The following CSMD3 variants were observed in gnomAD, a reference collection of about 807,000 sequenced individuals.
CSMD3 encodes the protein CUB and sushi domain-containing protein 3.
A neutral mutation model predicts 435.2 loss-of-function variants in CSMD3; 177 were observed. The ratio of observed to expected loss-of-function variants is 0.41; its 90% CI spans 0.36 to 0.46. The LOEUF (loss-of-function observed/expected upper bound fraction) is 0.46. CSMD3 is among the 20% of genes least tolerant of loss of function. The pLI, the probability that CSMD3 is intolerant of heterozygous loss-of-function variation, is 0.34. For missense variants in CSMD3, 4,265 were observed against 4,504.6 expected, an observed-to-expected ratio of 0.95 and a Z score of 1.52; for synonymous variants, 1,656 against 1,520.5, an observed-to-expected ratio of 1.09 and a Z score of -2.07.
intron 32 of CSMD3, among the ~76,000 whole-genome samples, chr8:112,418,474 A>T (rs905220727): frequency 7.2e-5 from 11 of 152,278 alleles, no homozygotes; most frequent in Admixed American, 5.9e-4. Context: ...CTGTGAAAGT[A>T]CTTATTGTAT....
chr8:112,773,656 A>T (rs907756015), intron 13 of CSMD3, among the ~76,000 whole-genome samples: 5 of 152,038 alleles, frequency 3.3e-5, no homozygotes, highest in Non-Finnish European at 7.4e-5. Context: ...AACTAAAGGA[A>T]TTGTACACAT....
chr8:112,771,892 G>A (rs540588048), intron 13 of CSMD3, among the ~76,000 whole-genome samples: 7 of 152,060 alleles, frequency 4.6e-5, no homozygotes, highest in Non-Finnish European at 7.4e-5. Flanking sequence ...TGGAAACGAC[G>A]CATTTCTGAG....
chr8:113,319,136 CA>C (rs1293798762), intron 1 of CSMD3, among the ~76,000 whole-genome samples: 1 of 151,964 alleles, frequency 6.6e-6, no homozygotes, highest in Non-Finnish European at 1.5e-5. Context: ...AACCTCCATA[CA>C]GTTTTTTCGT....
chr8:112,405,648 T>G lies in CSMD3; in HGVS notation c.5809+876A>C, dbSNP rs182539668. Among the ~76,000 whole-genome samples, 132 of 152,054 alleles carry G rather than the reference T, an allele frequency of 8.7e-4. 1 individual carries two copies. Among genetic ancestry groups the G allele is most frequent in the African/African-American group, 2.9e-3 (121 of 41,562 alleles). ...TTTTGGCTAACCTTATGCATTTTAC[T>G]CATTCAAAATGTTACCACCAATATT... On this transcript the variant is annotated intron_variant, in intron 35 of 70. Transcript: ENST00000297405.
At chr8:113,243,100 T>C (rs1349228535) in intron 3 of CSMD3, among the ~76,000 whole-genome samples, 2 of 151,642 alleles carry the variant, frequency 1.3e-5, no homozygotes, top group African/African-American at 4.8e-5. Context: ...TAATTTCATT[T>C]GCATATTTCT....
At chr8:112,384,934 CAGG>C (rs1563873042) in intron 36 of CSMD3, among the ~76,000 whole-genome samples, 1 of 152,116 alleles carries the variant, frequency 6.6e-6, no homozygotes, top group Non-Finnish European at 1.5e-5. Flanking sequence ...AAGATTCACG[CAGG>C]AGTTGACATT....
At chr8:113,356,651 C>CA (rs1248955429) in intron 1 of CSMD3, among the ~76,000 whole-genome samples, 2 of 151,800 alleles carry the variant, frequency 1.3e-5, no homozygotes, top group South Asian at 2.1e-4. Flanking sequence ...CAACAAATGT[C>CA]AAAAAAATAG....
intron 13 of CSMD3, among the ~76,000 whole-genome samples, chr8:112,691,935 G>A (rs893165818): frequency 1.3e-5 from 2 of 151,714 alleles, no homozygotes; most frequent in African/African-American, 2.4e-5. Context: ...TGGGTAGCTC[G>A]GACTATAGGT....
intron 10 of CSMD3, among the ~76,000 whole-genome samples, chr8:112,899,972 A>T (rs1278310489): frequency 6.6e-6 from 1 of 151,112 alleles, no homozygotes; most frequent in African/African-American, 2.4e-5. Context: ...TGTAATGTTT[A>T]CTAAAGTAAA....
intron 36 of CSMD3, among the ~76,000 whole-genome samples, chr8:112,387,339 C>T (rs1830063529): frequency 6.6e-6 from 1 of 151,964 alleles, no homozygotes; most frequent in South Asian, 2.1e-4. Context: ...AATATTCATA[C>T]AATTCTTTAT....
intron 13 of CSMD3, among the ~76,000 whole-genome samples, chr8:112,749,645 T>C (rs1233824475): frequency 1.3e-5 from 2 of 152,112 alleles, no homozygotes; most frequent in Admixed American, 1.3e-4. Context: ...AATAAATGAA[T>C]ATTATTGTGC....
At chr8:112,244,307 G>A (rs1814475344) in intron 65 of CSMD3, 87 bp downstream of exon 65, 2 of 1,126,422 alleles carry the variant, frequency 1.8e-6, no homozygotes, top group South Asian at 1.3e-5. Context: ...TTGTTCCTAT[G>A]CTAATTTGAG....
chr8:112,263,657 C>T lies in CSMD3; in HGVS notation c.9844G>A (p.Glu3282Lys), dbSNP rs2130380848. ...TCVGNGTWSG[E>K]VPQCLPKFCG... ...TACTTACGTAAGCACTGCGGTACTTCACCACTCCAGGTACCATTCCCTACA... is the reference window on the plus strand; with the variant it reads ...TACTTACGTAAGCACTGCGGTACTTTACCACTCCAGGTACCATTCCCTACA... The change falls in exon 61 of 71, where the codon GAA (glutamate) becomes AAA (lysine). Residue 3282 changes from glutamate (E) to lysine (K), a missense_variant. By Grantham distance (56) the Glu-to-Lys change is moderately conservative. Around this residue, in one of 3 missense-constraint regions of CSMD3, gnomAD observed 3,255 missense variants for 3,380.2 expected, o/e 0.96. Transcript: ENST00000297405. The T allele has an allele frequency of 2.5e-6, 4 of 1,613,436 alleles. No individual in the cohort carries two copies. Among genetic ancestry groups the T allele is most frequent in the Non-Finnish European group, 3.4e-6 (4 of 1,179,632 alleles).
At chr8:112,610,719 G>T (rs927754949) in intron 22 of CSMD3, among the ~76,000 whole-genome samples, 1 of 152,130 alleles carries the variant, frequency 6.6e-6, no homozygotes, top group Non-Finnish European at 1.5e-5. Flanking sequence ...AGGCACATGA[G>T]GAAAGTGTCT....
chr8:113,163,304 C>T (rs941523656), intron 4 of CSMD3, among the ~76,000 whole-genome samples: 2 of 151,606 alleles, frequency 1.3e-5, no homozygotes, highest in South Asian at 2.1e-4. Context: ...ACCTCATCTC[C>T]GTTGTTTAGA....
At chr8:113,411,224 G>T (rs1278187319) in intron 1 of CSMD3, among the ~76,000 whole-genome samples, 2 of 152,076 alleles carry the variant, frequency 1.3e-5, no homozygotes, top group African/African-American at 4.8e-5. Context: ...TTATCAAGCA[G>T]AGGATAGTGC....
chr8:112,918,096 C>T (rs2082626226), intron 10 of CSMD3, among the ~76,000 whole-genome samples: 2 of 151,666 alleles, frequency 1.3e-5, no homozygotes, highest in South Asian at 2.1e-4. Context: ...TGTGTTTACG[C>T]CTTATAAATC....
chr8:113,399,554 A>T (rs1408727238), intron 1 of CSMD3, among the ~76,000 whole-genome samples: 5 of 152,018 alleles, frequency 3.3e-5, no homozygotes, highest in Admixed American at 6.6e-5. Flanking sequence ...ACAAAAGATT[A>T]TATATTTTAT....
intron 35 of CSMD3, among the ~76,000 whole-genome samples, chr8:112,395,981 A>G (rs1830827563): frequency 6.6e-6 from 1 of 152,150 alleles, no homozygotes; most frequent in African/African-American, 2.4e-5. Flanking sequence ...TTGTTTAAAA[A>G]CTGGTTGTTA....
Sources: allele counts gnomAD v4.1 joint callset (sites outside exome capture counted in the v4.1 genomes callset), GRCh38; gene constraint gnomAD v4.1.1; regional missense constraint gnomAD v4.1.1; transcripts MANE v1.5; gene names NCBI Gene and HGNC (gene_info 2026-07-23, HGNC 2026-07-21).